Variants in ZMAT4 observed in about 807,000 individuals in gnomAD.
ZMAT4 encodes the protein zinc finger matrin-type protein 4.
ZMAT4 carries 17 observed loss-of-function variants against 28.7 expected under a neutral mutation model. The observed-to-expected ratio is 0.59, with a 90% confidence interval of 0.41 to 0.89. The LOEUF is 0.89. Among genes scored for constraint, ZMAT4 ranks in the 40% least tolerant of loss-of-function variants. The probability of loss-of-function intolerance (pLI) is 0.00; values close to 1 mark genes in which losing one functional copy is unlikely to be tolerated. For missense variants in ZMAT4, 240 were observed against 283.8 expected, an observed-to-expected ratio of 0.85 and a Z score of 1.11; for synonymous variants, 117 against 109.2, an observed-to-expected ratio of 1.07 and a Z score of -0.44.
Position 40,674,857 on chromosome 8 carries a change from C to T in ZMAT4, c.424G>A (p.Asp142Asn). 6.2e-7 allele frequency: 1 copy of T among 1,613,864 alleles called. No homozygotes were observed. Among genetic ancestry groups the T allele is most frequent in the Middle Eastern group, 1.7e-4 (1 of 6,060 alleles). Residue 142 changes from aspartate to asparagine, a missense_variant, in exon 5 of 7, where the codon GAT becomes AAT. By Grantham distance (23) the Asp-to-Asn change is conservative. Transcript: ENST00000297737. ...PVVASPYQRR[D>N]SDRYCGLCAA... ...CAGAGCCCACAGTATCTGTCTGAAT[C>T]TCTTCTTTGATAGGGAGATGCGACC... is the stretch of plus-strand genomic sequence containing the variant.
intron 5 of ZMAT4, among the ~76,000 whole-genome samples, chr8:40,661,579 A>G (rs1808198301): frequency 6.6e-6 from 1 of 152,234 alleles, no homozygotes; most frequent in Non-Finnish European, 1.5e-5. Flanking sequence ...AAGACACTTA[A>G]GGCTACTTTT....
chr8:40,872,837 G>T (rs1279791565), intron 1 of ZMAT4, among the ~76,000 whole-genome samples: 1 of 152,114 alleles, frequency 6.6e-6, no homozygotes, highest in African/African-American at 2.4e-5. Context: ...TTTGTTTTTA[G>T]TTTTTGTCAG....
intron 5 of ZMAT4, among the ~76,000 whole-genome samples, chr8:40,610,739 A>G (rs944723324): frequency 6.6e-6 from 1 of 152,092 alleles, no homozygotes. Context: ...ACTGTAAAAA[A>G]AAAGAGATGA....
Position 40,884,204 on chromosome 8 carries a change from A to G in ZMAT4, c.-5+13479T>C, listed in dbSNP as rs566809204. 2.1e-4 allele frequency among the ~76,000 whole-genome samples: 29 copies of G among 136,056 alleles called. No homozygotes were observed. In the East Asian group the frequency reaches 5.2e-3, roughly 24 times the overall value. 89.3% of individuals were successfully genotyped at this position (136,056 alleles called of 152,430 possible). ...CACCCCGCCTCACCCACCCCATCAC[A>G]TGGCCTCTGGCTACGGACTCCTCTT... On this transcript the variant is annotated intron_variant, in intron 1 of 6. Transcript: ENST00000297737.
chr8:40,643,625 G>A (rs1043039124), intron 5 of ZMAT4, among the ~76,000 whole-genome samples: 3 of 152,196 alleles, frequency 2.0e-5, no homozygotes, highest in East Asian at 3.9e-4. Context: ...TGCCCATTGC[G>A]ATGAGTGCTA....
At chr8:40,625,722 G>A (rs1254057064) in intron 5 of ZMAT4, among the ~76,000 whole-genome samples, 3 of 152,148 alleles carry the variant, frequency 2.0e-5, no homozygotes, top group Non-Finnish European at 4.4e-5. Flanking sequence ...TAGACACCAG[G>A]CACAGATGTA....
chr8:40,857,261 A>G (rs1257688014), intron 1 of ZMAT4, among the ~76,000 whole-genome samples: 1 of 152,186 alleles, frequency 6.6e-6, no homozygotes, highest in Non-Finnish European at 1.5e-5. Context: ...AGGCTGAGGC[A>G]GAAGGATCGT....
At chr8:40,645,981 A>G (rs1312748407) in intron 5 of ZMAT4, among the ~76,000 whole-genome samples, 2 of 152,076 alleles carry the variant, frequency 1.3e-5, no homozygotes, top group South Asian at 4.1e-4. Flanking sequence ...TTCACACCAT[A>G]ATAGATAAGC....
In ZMAT4 at chr8:40,538,875, T is replaced by C. The variant is rs193288064; in HGVS notation, c.675-6637A>G. On this transcript the variant is annotated intron_variant, in intron 6 of 6. Transcript: ENST00000297737. Reference sequence around the variant, plus strand: ...ATCTCAGCTCACTGCAACCTCTGCCTCCTGGGTTCGAGCGATTCTCCTGCC... The same window carrying C: ...ATCTCAGCTCACTGCAACCTCTGCCCCCTGGGTTCGAGCGATTCTCCTGCC... 9.0e-3 allele frequency among the ~76,000 whole-genome samples: 1,367 copies of C among 152,254 alleles called. 10 individuals are homozygous for C. Among genetic ancestry groups the C allele is most frequent in the Non-Finnish European group, 0.015 (1,049 of 68,012 alleles).
At chr8:40,754,375 C>G (rs1421150445) in intron 3 of ZMAT4, among the ~76,000 whole-genome samples, 2 of 152,110 alleles carry the variant, frequency 1.3e-5, no homozygotes, top group Non-Finnish European at 2.9e-5. Context: ...CTTCTTTCCT[C>G]TCCTCTGTAT....
At chr8:40,586,410 G>C (rs1457194035) in intron 5 of ZMAT4, among the ~76,000 whole-genome samples, 1 of 152,210 alleles carries the variant, frequency 6.6e-6, no homozygotes, top group Admixed American at 6.5e-5. Context: ...GCAAGGACCT[G>C]TCAGACAATC....
At chr8:40,679,301 A>G (rs1215589470) in intron 4 of ZMAT4, among the ~76,000 whole-genome samples, 1 of 152,188 alleles carries the variant, frequency 6.6e-6, no homozygotes, top group Non-Finnish European at 1.5e-5. Context: ...CATAATAATC[A>G]TAGTTGATTT....
At chr8:40,681,575 C>T (rs936780115) in intron 4 of ZMAT4, among the ~76,000 whole-genome samples, 1 of 152,186 alleles carries the variant, frequency 6.6e-6, no homozygotes, top group East Asian at 1.9e-4. Context: ...ACCTCACCTC[C>T]GTGCCCACCA....
At chr8:40,779,277 A>G (rs183304073) in intron 2 of ZMAT4, among the ~76,000 whole-genome samples, 98 of 152,224 alleles carry the variant, frequency 6.4e-4, no homozygotes, top group African/African-American at 2.3e-3. Flanking sequence ...GGCCTCCCCA[A>G]CCACGTAGAA....
intron 1 of ZMAT4, among the ~76,000 whole-genome samples, chr8:40,845,152 A>G (rs1181313570): frequency 6.6e-6 from 1 of 152,156 alleles, no homozygotes; most frequent in African/African-American, 2.4e-5. Context: ...AGCTCTTACA[A>G]CTTCACCTTT....
At chr8:40,707,212 C>T (rs1810395273) in intron 3 of ZMAT4, among the ~76,000 whole-genome samples, 2 of 112,984 alleles carry the variant, frequency 1.8e-5, no homozygotes, top group South Asian at 3.3e-4. Context: ...TCCTTCAGGC[C>T]TGCCCCCCCA....
intron 6 of ZMAT4, among the ~76,000 whole-genome samples, chr8:40,556,008 T>TCC (rs1803522522): frequency 1.3e-5 from 2 of 152,138 alleles, no homozygotes; most frequent in South Asian, 4.1e-4. Flanking sequence ...CTGCCAATGG[T>TCC]CCCCCACCTT....
chr8:40,786,613 T>G, intron 2 of ZMAT4: 40 of 1,091,712 alleles, frequency 3.7e-5, no homozygotes, highest in Non-Finnish European at 3.7e-5. Context: ...TATTCTCTTG[T>G]GAAATCTCAG....
chr8:40,873,324 T>C (rs1817928331), intron 1 of ZMAT4, among the ~76,000 whole-genome samples: 2 of 152,210 alleles, frequency 1.3e-5, no homozygotes, highest in Non-Finnish European at 2.9e-5. Flanking sequence ...AATAAAGCTA[T>C]TTTAAAACAT....
Sources: gnomAD v4.1 joint callset for allele counts (sites outside exome capture counted in the v4.1 genomes callset) on GRCh38, gnomAD v4.1.1 for gene constraint, MANE v1.5 for transcripts, NCBI Gene and HGNC (gene_info 2026-07-23, HGNC 2026-07-21) for gene names.